Variants in UVSSA observed in about 807,000 individuals in gnomAD.
UVSSA encodes the protein UV-stimulated scaffold protein A.
A neutral mutation model predicts 73.9 loss-of-function variants in UVSSA; 72 were observed. The observed-to-expected ratio is 0.97, with a 90% CI of 0.81 to 1.19. UVSSA has a LOEUF of 1.19. Among genes scored for constraint, UVSSA ranks in the 50% most tolerant of loss-of-function variants. The pLI, the probability that UVSSA is intolerant of heterozygous loss-of-function variation, is 0.00. For missense variants in UVSSA, 1,150 were observed against 965.0 expected, an observed-to-expected ratio of 1.19 and a Z score of -2.54; for synonymous variants, 454 against 391.3, an observed-to-expected ratio of 1.16 and a Z score of -1.89.
Position 1,380,943 on chromosome 4 carries a change from A to G in UVSSA, c.1816A>G (p.Arg606Gly), listed in dbSNP as rs1250542986. Residue 606 changes from arginine to glycine, a missense_variant, in exon 12 of 14, where the codon AGG (arginine) becomes GGG (glycine). Transcript: ENST00000389851. ...AGGACGGCCGCTCGACCCGGAAGACAGGGCTCGTGAGCAGCGGCGGCAGCT... is the reference window on the plus strand; with the variant it reads ...AGGACGGCCGCTCGACCCGGAAGACGGGGCTCGTGAGCAGCGGCGGCAGCT... Reference protein sequence around the residue: ...DEGRPLDPEDRAREQRRQLQK... With the variant: ...DEGRPLDPEDGAREQRRQLQK... The G allele has an allele frequency of 1.5e-5, 24 of 1,613,010 alleles. No individual in the cohort carries two copies. Among genetic ancestry groups the G allele is most frequent in the Non-Finnish European group, 2.0e-5 (24 of 1,179,954 alleles).
chr4:1,375,521 G>A lies in UVSSA; in HGVS notation c.1433+13G>A. The A allele has an allele frequency of 6.2e-7, 1 of 1,606,798 alleles. No homozygotes were observed. Among genetic ancestry groups the A allele is most frequent in the South Asian group, 1.1e-5 (1 of 90,944 alleles). On this transcript the variant is annotated intron_variant, in intron 9 of 13. Transcript: ENST00000389851. The stretch of plus-strand genomic sequence containing the variant: ...CCTCATCTGCCAGGTGACTCCCAGT[G>A]TCCTGTGTGCTGAGCCCCCTGCCCG...
Position 1,353,234 on chromosome 4 carries a change from G to C in UVSSA, c.755G>C (p.Cys252Ser). 1 of 1,612,004 alleles carries C rather than the reference G, an allele frequency of 6.2e-7. No individual in the cohort carries two copies. The highest frequency in any genetic ancestry group is 8.5e-7 in the Non-Finnish European group (1 of 1,179,836). Reference sequence around the variant, plus strand: ...GACCCCCGGGACGGGGAGCAGCCCTGCTGCAGTAGAGACCTGCCTGCCTCT... The same window carrying C: ...GACCCCCGGGACGGGGAGCAGCCCTCCTGCAGTAGAGACCTGCCTGCCTCT... ...TPDPRDGEQP[C>S]CSRDLPASAG... The change falls in exon 5 of 14, where the codon TGC (cysteine) becomes TCC (serine). Residue 252 changes from cysteine (C) to serine (S), a missense_variant. Cys to Ser is a moderately radical substitution (Grantham distance 112). Transcript: ENST00000389851.
At chr4:1,353,678 C>T (rs898231492) in intron 5 of UVSSA, among the ~76,000 whole-genome samples, 2 of 152,166 alleles carry the variant, frequency 1.3e-5, no homozygotes, top group African/African-American at 4.8e-5. Flanking sequence ...AGAGTAAGGA[C>T]CCACAGGATT....
intron 10 of UVSSA, among the ~76,000 whole-genome samples, chr4:1,378,846 C>G (rs968400200): frequency 6.6e-6 from 1 of 152,238 alleles, no homozygotes; most frequent in Non-Finnish European, 1.5e-5. Context: ...CTCTTCAGCC[C>G]ACCAGGGCTT....
At chr4:1,355,310 G>A (rs1406711750) in intron 7 of UVSSA, 65 bp downstream of exon 7, 2 of 1,481,874 alleles carry the variant, frequency 1.3e-6, no homozygotes, top group African/African-American at 1.4e-5. Context: ...AGAAGCTGTG[G>A]GGGGGTTGTG....
intron 8 of UVSSA, among the ~76,000 whole-genome samples, chr4:1,367,811 C>T (rs1041622354): frequency 6.6e-6 from 1 of 152,168 alleles, no homozygotes; most frequent in Non-Finnish European, 1.5e-5. Flanking sequence ...CCCACCGAGA[C>T]GCAGCCCCAG....
exon 14 of UVSSA, chr4:1,394,794 C>G: frequency 6.3e-7 from 1 of 1,578,280 alleles, no homozygotes; most frequent in Non-Finnish European, 8.6e-7. Flanking sequence ...TGTGGAGTGC[C>G]ACCTGCTCAC....
downstream of UVSSA, chr4:1,391,981 A>G (rs1413862343): frequency 6.6e-6 from 1 of 152,166 alleles, no homozygotes; most frequent in African/African-American, 2.4e-5. Context: ...TTTGTTTACT[A>G]TATTGTCTTT....
At chr4:1,366,935 C>T (rs935220252) in intron 8 of UVSSA, among the ~76,000 whole-genome samples, 1 of 152,240 alleles carries the variant, frequency 6.6e-6, no homozygotes, top group African/African-American at 2.4e-5. Context: ...GCTCCTTGAA[C>T]TTGAGGGTTG....
chr4:1,360,785 C>T (rs549779662), intron 7 of UVSSA, among the ~76,000 whole-genome samples: 1 of 152,336 alleles, frequency 6.6e-6, no homozygotes, highest in East Asian at 1.9e-4. Flanking sequence ...GGGGCAGGAG[C>T]TACTAGGTTT....
At chr4:1,358,571 A>T (rs1310043326) in intron 7 of UVSSA, 1 of 152,252 alleles carries the variant, frequency 6.6e-6, no homozygotes, top group Non-Finnish European at 1.5e-5. Context: ...CAGGTGAGCG[A>T]TGCTTCCCAG....
chr4:1,354,700 G>A (rs1031487714), intron 5 of UVSSA, 35 bp from the exon 6 acceptor site: 9 of 1,591,644 alleles, frequency 5.7e-6, no homozygotes, highest in Non-Finnish European at 6.9e-6. Context: ...ACGCCAGTCG[G>A]CGCCCTCTTG....
In UVSSA at chr4:1,353,403, G is replaced by A. The variant is rs1414446386; in HGVS notation, c.924G>A (p.Glu308=). Reference sequence around the variant, plus strand: ...CGCACAAGTACACGCTGGATGTGGAGCTCTGCTCAGGTAACTGCCTTCGCG... The same window carrying A: ...CGCACAAGTACACGCTGGATGTGGAACTCTGCTCAGGTAACTGCCTTCGCG... The part of the protein sequence containing the change: ...LGSHKYTLDV[E]LCSEGLKVQE... Residue 308 remains glutamate (E), a synonymous_variant, in exon 5 of 14, where the codon GAG becomes GAA. Transcript: ENST00000389851. 2.6e-6 allele frequency: 4 copies of A among 1,559,896 alleles called. No individual in the cohort carries two copies. The East Asian group carries it at 9.3e-5, about 36-fold the overall frequency.
intron 13 of UVSSA, chr4:1,385,514 C>T: frequency 3.2e-6 from 1 of 309,894 alleles, no homozygotes; most frequent in Non-Finnish European, 6.2e-6. Flanking sequence ...GCTGCATCTC[C>T]TGCGAGGCCG....
intron 7 of UVSSA, among the ~76,000 whole-genome samples, chr4:1,365,497 C>T (rs1343010677): frequency 1.3e-5 from 2 of 152,212 alleles, no homozygotes; most frequent in East Asian, 3.8e-4. Context: ...AGAAAGCAAG[C>T]CTTCCTGCCA....
intron 9 of UVSSA, 68 bp from the exon 10 acceptor site, chr4:1,375,966 G>A: frequency 6.5e-7 from 1 of 1,547,208 alleles, no homozygotes; most frequent in Non-Finnish European, 8.7e-7. Context: ...TGGGGGTGGG[G>A]AGGGAGAGGA....
At chr4:1,352,840 G>A (rs1714999261) in intron 4 of UVSSA, among the ~76,000 whole-genome samples, 190 bp from the exon 5 acceptor site, 1 of 152,236 alleles carries the variant, frequency 6.6e-6, no homozygotes. Flanking sequence ...AGCTAATCAG[G>A]AGGCTGAGGC....
At chr4:1,377,496 AAC>A (rs1251538383) in intron 10 of UVSSA, among the ~76,000 whole-genome samples, 1 of 152,032 alleles carries the variant, frequency 6.6e-6, no homozygotes. Context: ...GTCGGGAAGA[AAC>A]AGCTGTCCCT....
rs532123027 is a variant in UVSSA, at chr4:1,394,751, C to G, written c.*8790C>G. 5.2e-5 allele frequency: 83 copies of G among 1,596,918 alleles called. No homozygotes were observed. The South Asian group carries it at 7.3e-4, about 14-fold the overall frequency. Reference sequence around the variant, plus strand: ...TGGAGTGCCCACCTGCTCATGTGCCCATGTGGAGTGCCCACCTGCTCACAT... The same window carrying G: ...TGGAGTGCCCACCTGCTCATGTGCCGATGTGGAGTGCCCACCTGCTCACAT... On this transcript the variant is annotated 3_prime_UTR_variant, in exon 14 of 14. Transcript: ENST00000511216.
Sources: allele counts gnomAD v4.1 joint callset (sites outside exome capture counted in the v4.1 genomes callset), GRCh38; gene constraint gnomAD v4.1.1; transcripts MANE v1.5; gene names NCBI Gene and HGNC (gene_info 2026-07-23, HGNC 2026-07-21).